The following NEBL variants were observed in gnomAD, a reference collection of about 807,000 sequenced individuals.
NEBL encodes LIM and SH3 protein 2.
NEBL carries 122 observed loss-of-function variants against 140.2 expected under a neutral mutation model. The ratio of observed to expected loss-of-function variants is 0.87; its 90% confidence interval spans 0.75 to 1.01. The LOEUF (loss-of-function observed/expected upper bound fraction) is 1.01, where lower values mean the gene tolerates loss of function less well. NEBL is among the 50% of genes least tolerant of loss of function. NEBL has a pLI of 0.00. For synonymous variants in NEBL, 436 were observed against 398.9 expected (o/e 1.09, Z -1.11); for missense variants, 1,365 against 1,231.3 (o/e 1.11, Z -1.62).
At position 20,949,735 on chromosome 10, in the gene NEBL, T is replaced by C. The variant is rs184130519; in HGVS notation, c.357+11937A>G. Among the ~76,000 whole-genome samples the C allele has an allele frequency of 1.7e-3, 265 of 152,326 alleles. 2 individuals are homozygous for C. Among genetic ancestry groups the C allele is most frequent in the Non-Finnish European group, 4.6e-4 (31 of 68,038 alleles). On this transcript the variant is annotated intron_variant, in intron 4 of 6. Coordinates refer to the NEBL transcript ENST00000417816. ...AATACTGTGGTTTGATTTCCTTTTG[T>C]GTTTTGTTTTTTTTCTGCTGAGGAC...
rs535409020 is a variant in NEBL at position 21,130,317 on chromosome 10, A to G, written c.164+42066T>C. 5.3e-5 allele frequency among the ~76,000 whole-genome samples: 8 copies of G among 152,214 alleles called. No homozygotes were observed. The South Asian group carries it at 1.7e-3, about 32-fold the overall frequency. Reference sequence around the variant, plus strand: ...TACTCTTACAGTTGGAAATTTCAACACCCCTCTATCAGTACCAGACAGATC... The same window carrying G: ...TACTCTTACAGTTGGAAATTTCAACGCCCCTCTATCAGTACCAGACAGATC... On this transcript the variant is annotated intron_variant, in intron 2 of 6. Coordinates refer to the NEBL transcript ENST00000417816.
intron 3 of NEBL, among the ~76,000 whole-genome samples, chr10:21,212,447 T>G (rs1399981651): frequency 1.3e-5 from 2 of 151,486 alleles, no homozygotes; most frequent in African/African-American, 4.9e-5. Context: ...CTCCTCAGAG[T>G]GATGGGAGGA....
intron 2 of NEBL, among the ~76,000 whole-genome samples, chr10:21,140,102 A>T (rs1031451050): frequency 5.9e-5 from 9 of 152,112 alleles, no homozygotes; most frequent in Non-Finnish European, 1.3e-4. Flanking sequence ...TGGAGGCTGC[A>T]GTGAGCCAAG....
chr10:21,033,100 C>T (rs766226317), intron 2 of NEBL, among the ~76,000 whole-genome samples: 2 of 152,126 alleles, frequency 1.3e-5, no homozygotes, highest in African/African-American at 2.4e-5. Flanking sequence ...ATATTGATCA[C>T]GGGAATACAC....
At chr10:20,942,383 C>T (rs1294320502) in intron 4 of NEBL, among the ~76,000 whole-genome samples, 1 of 152,152 alleles carries the variant, frequency 6.6e-6, no homozygotes, top group Non-Finnish European at 1.5e-5. Flanking sequence ...ACTGGCTAGC[C>T]ATATGTACAA....
chr10:21,169,123 G>C (rs1430672473), intron 2 of NEBL, among the ~76,000 whole-genome samples: 2 of 100,098 alleles, frequency 2.0e-5, no homozygotes, highest in Admixed American at 2.4e-4. Flanking sequence ...CATATAATTA[G>C]ATCAAAATAT....
chr10:20,986,615 T>C (rs1042924181), intron 3 of NEBL, among the ~76,000 whole-genome samples: 7 of 152,240 alleles, frequency 4.6e-5, no homozygotes, highest in African/African-American at 1.7e-4. Flanking sequence ...TATCTTAATA[T>C]ATCAAAACAT....
At chr10:21,169,459 T>G (rs1265032346) in intron 2 of NEBL, among the ~76,000 whole-genome samples, 1 of 152,160 alleles carries the variant, frequency 6.6e-6, no homozygotes. Flanking sequence ...AGCAGCTGAT[T>G]GACATGCACC....
At chr10:20,828,799 T>C (rs1840130138) in intron 16 of NEBL, among the ~76,000 whole-genome samples, 165 bp from the exon 17 acceptor site, 1 of 151,814 alleles carries the variant, frequency 6.6e-6, no homozygotes, top group African/African-American at 2.4e-5. Context: ...GAGACAGAGA[T>C]AGAATGATAC....
chr10:20,963,095 T>G (rs1341168592), intron 3 of NEBL, among the ~76,000 whole-genome samples: 3 of 151,830 alleles, frequency 2.0e-5, no homozygotes, highest in Non-Finnish European at 4.4e-5. Context: ...TACCTAATTC[T>G]TCTCTCTGTA....
intron 4 of NEBL, among the ~76,000 whole-genome samples, chr10:20,943,284 T>C (rs1834983144): frequency 6.6e-6 from 1 of 152,206 alleles, no homozygotes; most frequent in African/African-American, 2.4e-5. Flanking sequence ...TTCACGTCCT[T>C]TGTAGGGACA....
intron 3 of NEBL, among the ~76,000 whole-genome samples, chr10:20,976,033 C>T (rs1330348340): frequency 6.6e-6 from 1 of 152,058 alleles, no homozygotes; most frequent in East Asian, 1.9e-4. Flanking sequence ...CAAAAATATG[C>T]TTCCAAGTTT....
At chr10:20,974,149 A>T (rs943119777) in intron 3 of NEBL, among the ~76,000 whole-genome samples, 76 of 152,204 alleles carry the variant, frequency 5.0e-4, no homozygotes, top group African/African-American at 1.8e-3. Flanking sequence ...ATTCAAACCC[A>T]GATCTGCTGT....
intron 2 of NEBL, among the ~76,000 whole-genome samples, chr10:21,071,226 A>C (rs1020906512): frequency 1.3e-5 from 2 of 149,194 alleles, no homozygotes; most frequent in Admixed American, 6.7e-5. Flanking sequence ...TTTAAATAAT[A>C]TTATTATTAT....
chr10:21,189,746 C>T (rs1841543172), intron 3 of NEBL, among the ~76,000 whole-genome samples: 1 of 152,182 alleles, frequency 6.6e-6, no homozygotes, highest in African/African-American at 2.4e-5. Context: ...GAATTACAGG[C>T]ATGAGCCACC....
At chr10:20,952,658 AC>A (rs1564459445) in intron 4 of NEBL, among the ~76,000 whole-genome samples, 1 of 151,976 alleles carries the variant, frequency 6.6e-6, no homozygotes, top group Non-Finnish European at 1.5e-5. Context: ...TAATCCCAAC[AC>A]TTTGGGAAGA....
intron 3 of NEBL, among the ~76,000 whole-genome samples, chr10:21,008,258 A>T (rs1838211058): frequency 6.6e-6 from 1 of 152,194 alleles, no homozygotes; most frequent in African/African-American, 2.4e-5. Context: ...GTCCCCTCTT[A>T]TCCCTAGTTT....
chr10:21,210,647 T>G (rs899579487), intron 3 of NEBL, among the ~76,000 whole-genome samples: 2 of 152,250 alleles, frequency 1.3e-5, no homozygotes, highest in African/African-American at 4.8e-5. Flanking sequence ...ATGTATCTTG[T>G]AAGGCCTGTA....
chr10:21,169,067 A>AAAATATATATATATAT (rs1554830679), intron 2 of NEBL, among the ~76,000 whole-genome samples: 8 of 23,058 alleles, frequency 3.5e-4, no homozygotes, highest in Non-Finnish European at 5.2e-4. Context: ...AAAAAAAAAA[A>AAAATATATATATATAT]ATATATATAT....
Sources: allele counts gnomAD v4.1 joint callset (sites outside exome capture counted in the v4.1 genomes callset), GRCh38; gene constraint gnomAD v4.1.1; transcripts MANE v1.5; gene names NCBI Gene and HGNC (gene_info 2026-07-23, HGNC 2026-07-21).